PRMT2: variants seen among roughly 807,000 people sequenced by gnomAD.
The protein encoded by PRMT2 is protein arginine methyltransferase 2.
PRMT2 carries 26 observed loss-of-function variants against 57.6 expected under a neutral mutation model. The ratio of observed to expected loss-of-function variants is 0.45; its 90% CI spans 0.33 to 0.63. The LOEUF (loss-of-function observed/expected upper bound fraction) is 0.63, where lower values mean the gene tolerates loss of function less well. PRMT2 is among the 20% of genes least tolerant of loss of function. PRMT2 has a pLI of 0.02. For synonymous variants in PRMT2, 219 were observed against 220.0 expected, an observed-to-expected ratio of 1.00 and a Z score of 0.04; for missense variants, 472 against 564.4, an observed-to-expected ratio of 0.84 and a Z score of 1.66.
At chr21:46,655,048 T>A (rs1378158242) in intron 7 of PRMT2, 1 of 322,074 alleles carries the variant, frequency 3.1e-6, no homozygotes, top group African/African-American at 2.2e-5. Flanking sequence ...GTCCAATAAC[T>A]AGTAAAGATA....
rs985598062 is a variant in PRMT2, at chr21:46,648,860, G to T, written c.489+241G>T. Among the ~76,000 whole-genome samples, 1 of 152,218 alleles carries T rather than the reference G, an allele frequency of 6.6e-6. No homozygotes were observed. Among genetic ancestry groups the T allele is most frequent in the African/African-American group, 2.4e-5 (1 of 41,456 alleles). On this transcript the variant is annotated intron_variant, in intron 6 of 11. Transcript: ENST00000355680. This position sits in a 1 kb window ranked among gnomAD's most constrained non-coding sequence, Gnocchi z 4.8. ...TCGCAGACAGCACAGACGGGAGTAGGGCAGAATAGACAATATCCCGTGAAT... is the reference window on the plus strand; with the variant it reads ...TCGCAGACAGCACAGACGGGAGTAGTGCAGAATAGACAATATCCCGTGAAT...
At chr21:46,637,320 A>G (rs1272440917) in intron 3 of PRMT2, among the ~76,000 whole-genome samples, 1 of 152,228 alleles carries the variant, frequency 6.6e-6, no homozygotes, top group Non-Finnish European at 1.5e-5. Context: ...TACCAGCAAT[A>G]TATTGAAGGC....
intron 8 of PRMT2, chr21:46,660,099 GTAAA>G: frequency 1.0e-6 from 1 of 970,536 alleles, no homozygotes; most frequent in Non-Finnish European, 1.2e-6. Context: ...AAATAAATGT[GTAAA>G]TATAGTGGAA....
At chr21:46,656,511 GA>G (rs1197693771) in intron 7 of PRMT2, among the ~76,000 whole-genome samples, 1 of 152,122 alleles carries the variant, frequency 6.6e-6, no homozygotes, top group African/African-American at 2.4e-5. Context: ...CAATGGAATG[GA>G]GACGAGAGAT....
Position 46,664,625 on chromosome 21 carries a change from TCCA to T in PRMT2, c.*299_*301del. The T allele has an allele frequency of 6.0e-6, 3 of 502,996 alleles. No individual in the cohort carries two copies. The South Asian group carries it at 6.8e-5, about 11-fold the overall frequency. The allele number at this position is 502,996 out of a possible 1,614,324, so 31.2% of individuals were successfully genotyped here. ...TGCCGACCCGTGGCTGGGTCGGAGC[TCCA>T]TGTTCCTAAGCTAGGTCTAGGTCTA... On this transcript the variant is annotated 3_prime_UTR_variant, in exon 12 of 12. Transcript: ENST00000355680.
chr21:46,643,618 C>CT lies in PRMT2; in HGVS notation c.123_124insT (p.Ala42CysfsTer5), dbSNP rs1569151681. 1 of 1,609,512 alleles carries CT rather than the reference C, an allele frequency of 6.2e-7. No individual in the cohort carries two copies. Among genetic ancestry groups the CT allele is most frequent in the Non-Finnish European group, 8.5e-7 (1 of 1,178,710 alleles). On this transcript the variant is annotated frameshift_variant, in exon 4 of 12. Transcript: ENST00000355680. LOFTEE classifies it high-confidence loss of function. ...AGGAGTTTGTGGCCATCGCGGACTA[C>CT]GCTGCCACCGATGAGACCCAGGTAG...
chr21:46,657,185 C>G (rs2061553339), intron 7 of PRMT2: 1 of 152,046 alleles, frequency 6.6e-6, no homozygotes. Context: ...GGATGAGGAA[C>G]AGCTGAAAGT....
rs543225880 is a variant in PRMT2, at chr21:46,641,978, C to T, written c.40-1557C>T. ...AAGATGCCAGCAAGTATTTTAAAAA[C>T]GCCTAACCACACAAAGAGAGGGAAA... On this transcript the variant is annotated intron_variant, in intron 3 of 11. Coordinates refer to ENST00000355680, the MANE Select transcript of PRMT2 (RefSeq NM_206962.4). 3.9e-5 allele frequency among the ~76,000 whole-genome samples: 6 copies of T among 152,270 alleles called. No homozygotes were observed. In the East Asian group the frequency reaches 7.7e-4, roughly 20 times the overall value.
At position 46,648,439 on chromosome 21, in the gene PRMT2, G is replaced by A. The variant is rs1240036365; in HGVS notation, c.328-19G>A. On this transcript the variant is annotated intron_variant, in intron 5 of 11. Transcript: ENST00000355680. The surrounding 1 kb of genome is among the most constrained non-coding windows in gnomAD (Gnocchi z 4.8). ...GCTCTAGGTCACAGGCAGTGATTCT[G>A]AATGTGCATTTCTTCCAGAAACTCC... is the stretch of plus-strand genomic sequence containing the variant. The A allele has an allele frequency of 4.3e-6, 7 of 1,613,176 alleles. No individual in the cohort carries two copies. In the South Asian group the frequency reaches 7.7e-5, roughly 18 times the overall value.
In PRMT2 at chr21:46,660,856, T is replaced by A; in HGVS notation, c.854T>A (p.Phe285Tyr). ...ALKSLAVKEF[F>Y]SKPKYNHILK... is the part of the protein sequence containing the mutation. Reference sequence around the variant, plus strand: ...AGATCTTTAGCAGTTAAGGAGTTTTTTTCAAAGCCCAAGTATAACCACATT... The same window carrying A: ...AGATCTTTAGCAGTTAAGGAGTTTTATTCAAAGCCCAAGTATAACCACATT... The change falls in exon 9 of 12, where the codon TTT becomes TAT. Residue 285 changes from phenylalanine to tyrosine, a missense_variant. By Grantham distance (22) the Phe-to-Tyr change is conservative (BLOSUM62 3). This residue lies in a region of PRMT2 where 229 missense variants were observed against 217.2 expected (regional missense o/e 1.05). Coordinates refer to ENST00000355680, the MANE Select transcript of PRMT2 (RefSeq NM_206962.4). 1 of 1,614,098 alleles carries A rather than the reference T, an allele frequency of 6.2e-7. No individual in the cohort carries two copies. The highest frequency in any genetic ancestry group is 1.1e-5 in the South Asian group (1 of 91,078).
rs750816845 is a variant in PRMT2 at position 46,643,522 on chromosome 21, T to C, written c.40-13T>C. The C allele has an allele frequency of 8.5e-6, 13 of 1,535,572 alleles. No homozygotes were observed. In the African/African-American group the frequency reaches 1.6e-4, roughly 18 times the overall value. Reference sequence around the variant, plus strand: ...CAGCGTCCTCTCCTCACGCTTTCCTTGGCTTTGAGCAGGGAGAAGAGCCTG... The same window carrying C: ...CAGCGTCCTCTCCTCACGCTTTCCTCGGCTTTGAGCAGGGAGAAGAGCCTG... On this transcript the variant is annotated splice_polypyrimidine_tract_variant and intron_variant, in intron 3 of 11. Transcript: ENST00000355680.
chr21:46,660,400 A>G (rs2056651282), intron 8 of PRMT2, among the ~76,000 whole-genome samples: 1 of 152,222 alleles, frequency 6.6e-6, no homozygotes, highest in African/African-American at 2.4e-5. Context: ...CAGCAGGAAT[A>G]CCGCGTTCAT....
Position 46,643,520 on chromosome 21 carries a change from C to T in PRMT2, c.40-15C>T. On this transcript the variant is annotated splice_polypyrimidine_tract_variant and intron_variant, in intron 3 of 11. Transcript: ENST00000355680. ...TCCAGCGTCCTCTCCTCACGCTTTC[C>T]TTGGCTTTGAGCAGGGAGAAGAGCC... is the stretch of plus-strand genomic sequence containing the variant. 1 of 1,528,530 alleles carries T rather than the reference C, an allele frequency of 6.5e-7. No homozygotes were observed. The highest frequency in any genetic ancestry group is 8.8e-7 in the Non-Finnish European group (1 of 1,142,376). 94.7% of individuals were successfully genotyped at this position (1,528,530 alleles called of 1,614,324 possible).
chr21:46,652,317 A>T, intron 7 of PRMT2: 1 of 1,241,440 alleles, frequency 8.1e-7, no homozygotes, highest in African/African-American at 1.5e-5. Context: ...CTTGACAAAA[A>T]ATTCCCCTTC....
chr21:46,663,537 G>A lies in PRMT2; in HGVS notation c.1252G>A (p.Asp418Asn). The change falls in exon 11 of 12, where the codon GAC becomes AAC. Residue 418 changes from aspartate to asparagine, a missense_variant. This residue lies in a region of PRMT2 where 229 missense variants were observed against 217.2 expected (regional missense o/e 1.05). Coordinates refer to ENST00000355680, the MANE Select transcript of PRMT2 (RefSeq NM_206962.4). ...ALSWAVTSRQ[D>N]PTSQKVGEKV... ...GAGCTGGGCTGTCACTTCCAGACAA[G>A]ACCCCACATCTCAAAAAGTAAGATA... is the stretch of plus-strand genomic sequence containing the variant. The A allele has an allele frequency of 1.2e-6, 2 of 1,613,978 alleles. No individual in the cohort carries two copies. Among genetic ancestry groups the A allele is most frequent in the South Asian group, 2.2e-5 (2 of 91,084 alleles).
intron 3 of PRMT2, among the ~76,000 whole-genome samples, chr21:46,639,112 G>C (rs1190587960): frequency 2.6e-5 from 4 of 152,014 alleles, no homozygotes; most frequent in Non-Finnish European, 5.9e-5. Context: ...AGTTTTCTGG[G>C]CTATTTGAAA....
At chr21:46,642,513 TATC>T (rs1345144762) in intron 3 of PRMT2, among the ~76,000 whole-genome samples, 2 of 152,282 alleles carry the variant, frequency 1.3e-5, no homozygotes, top group African/African-American at 4.8e-5. Flanking sequence ...TGTCTGTTAT[TATC>T]TGTGATCAGT....
At position 46,664,611 on chromosome 21, in the gene PRMT2, G is replaced by A. The variant is rs543655532; in HGVS notation, c.*284G>A. 46 of 525,972 alleles carry A rather than the reference G, an allele frequency of 8.7e-5. No individual in the cohort carries two copies. The highest frequency in any genetic ancestry group is 8.2e-4 in the African/African-American group (43 of 52,424). 32.6% of individuals were successfully genotyped at this position (525,972 alleles called of 1,614,324 possible). On this transcript the variant is annotated 3_prime_UTR_variant, in exon 12 of 12. Coordinates refer to ENST00000355680, the MANE Select transcript of PRMT2 (RefSeq NM_206962.4). Reference sequence around the variant, plus strand: ...CGTGGTGCCCACAGTGCCGACCCGTGGCTGGGTCGGAGCTCCATGTTCCTA... The same window carrying A: ...CGTGGTGCCCACAGTGCCGACCCGTAGCTGGGTCGGAGCTCCATGTTCCTA...
rs910022414 is a variant in PRMT2 at position 46,661,077 on chromosome 21, C to G, written c.960+115C>G. ...GAGTGCTGGGGGTGTGAGTGAATAA[C>G]TAATTATTTTATTATGCAAATAAGT... is the stretch of plus-strand genomic sequence containing the variant. On this transcript the variant is annotated intron_variant, in intron 9 of 11. Coordinates refer to ENST00000355680, the MANE Select transcript of PRMT2 (RefSeq NM_206962.4). 6.9e-6 allele frequency: 7 copies of G among 1,017,360 alleles called. No individual in the cohort carries two copies. The African/African-American group carries it at 1.0e-4, about 14-fold the overall frequency. The allele number at this position is 1,017,360 out of a possible 1,614,324, so 63.0% of individuals were successfully genotyped here. A position where few individuals can be genotyped will look rare whatever the true frequency, so the allele number is the denominator to read the frequency against.
Sources: allele counts gnomAD v4.1 joint callset (sites outside exome capture counted in the v4.1 genomes callset), GRCh38; gene constraint gnomAD v4.1.1; regional missense constraint gnomAD v4.1.1; non-coding constraint Gnocchi (gnomAD v3.1); transcripts MANE v1.5; gene names NCBI Gene and HGNC (gene_info 2026-07-23, HGNC 2026-07-21).